The following SPOPL variants were observed in gnomAD, a reference collection of about 807,000 sequenced individuals.
SPOPL encodes the protein speckle-type POZ protein-like.
A neutral mutation model predicts 53.8 loss-of-function variants in SPOPL; 23 were observed. The ratio of observed to expected loss-of-function variants is 0.43; its 90% CI spans 0.31 to 0.61. The LOEUF (loss-of-function observed/expected upper bound fraction) is 0.61. Ranked by LOEUF, SPOPL falls within the 20% of genes least tolerant of loss-of-function variation. The probability of loss-of-function intolerance (pLI) is 0.12; values close to 1 mark genes in which losing one functional copy is unlikely to be tolerated. For missense variants in SPOPL, 442 were observed against 466.9 expected (o/e 0.95, Z 0.49); for synonymous variants, 164 against 149.7 (o/e 1.10, Z -0.70).
chr2:138,535,409 T>C (rs1040378371), intron 1 of SPOPL, among the ~76,000 whole-genome samples: 7 of 152,164 alleles, frequency 4.6e-5, no homozygotes, highest in African/African-American at 1.7e-4. Context: ...GTTTAATTTT[T>C]TGAGGAATCC....
intron 1 of SPOPL, among the ~76,000 whole-genome samples, chr2:138,513,181 GC>G (rs1684364377): frequency 6.6e-6 from 1 of 152,246 alleles, no homozygotes; most frequent in Non-Finnish European, 1.5e-5. Context: ...TCTTTGGGAG[GC>G]CAAGGCAGGA....
intron 5 of SPOPL, among the ~76,000 whole-genome samples, chr2:138,556,191 A>G (rs957519517): frequency 6.6e-6 from 1 of 152,204 alleles, no homozygotes; most frequent in African/African-American, 2.4e-5. Context: ...CTGTGATAAT[A>G]CTGTGTAGAT....
chr2:138,554,389 GC>G, intron 5 of SPOPL: 2 of 1,076,894 alleles, frequency 1.9e-6, no homozygotes, highest in Non-Finnish European at 2.4e-6. Flanking sequence ...CATTCTTCAT[GC>G]CCTCCACTGT....
At position 138,552,656 on chromosome 2, in the gene SPOPL, A is replaced by T; in HGVS notation, c.455A>T (p.Asp152Val). The change falls in exon 5 of 11, where the codon GAT becomes GTT. Residue 152 changes from aspartate (D) to valine (V), a missense_variant. Coordinates refer to ENST00000280098, the MANE Select transcript of SPOPL (RefSeq NM_001001664.3). ...LLDEANGLLP[D>V]DKLTLFCEVS... The stretch of plus-strand genomic sequence containing the variant: ...GATGAAGCTAATGGTCTTTTACCAG[A>T]TGACAAGCTTACATTATTTTGTGAG... 1.2e-6 allele frequency: 2 copies of T among 1,612,618 alleles called. No individual in the cohort carries two copies. The highest frequency in any genetic ancestry group is 1.7e-6 in the Non-Finnish European group (2 of 1,179,166).
intron 1 of SPOPL, among the ~76,000 whole-genome samples, chr2:138,523,301 C>G (rs906813159): frequency 6.6e-6 from 1 of 152,112 alleles, no homozygotes; most frequent in Non-Finnish European, 1.5e-5. Context: ...AAGAACATCA[C>G]GAAAAACACC....
At chr2:138,552,011 AATG>A (rs2104893188) in intron 4 of SPOPL, among the ~76,000 whole-genome samples, 1 of 152,178 alleles carries the variant, frequency 6.6e-6, no homozygotes, top group East Asian at 1.9e-4. Context: ...GAGACTTAGG[AATG>A]ATAAAGGACT....
chr2:138,544,082 G>A (rs921388425), intron 1 of SPOPL, among the ~76,000 whole-genome samples: 11 of 152,164 alleles, frequency 7.2e-5, no homozygotes, highest in African/African-American at 2.4e-4. Flanking sequence ...CTGCCTAATC[G>A]TTCCTCTGGA....
intron 10 of SPOPL, 23 bp downstream of exon 10, chr2:138,565,016 CT>C: frequency 1.2e-6 from 2 of 1,613,330 alleles, no homozygotes; most frequent in Non-Finnish European, 1.7e-6. Flanking sequence ...CAGTTTCTGA[CT>C]CAAAGTTGCT....
At chr2:138,543,161 C>G (rs567268786) in intron 1 of SPOPL, among the ~76,000 whole-genome samples, 1 of 152,156 alleles carries the variant, frequency 6.6e-6, no homozygotes, top group Non-Finnish European at 1.5e-5. Context: ...CTCTGGCTGC[C>G]TTAACATTTT....
At chr2:138,513,987 T>C (rs1347498330) in intron 1 of SPOPL, among the ~76,000 whole-genome samples, 2 of 152,178 alleles carry the variant, frequency 1.3e-5, no homozygotes, top group Admixed American at 1.3e-4. Flanking sequence ...AGTAAACTTT[T>C]GAAGTGTAAC....
chr2:138,509,033 T>C (rs543403934), intron 1 of SPOPL, among the ~76,000 whole-genome samples: 1 of 152,294 alleles, frequency 6.6e-6, no homozygotes, highest in African/African-American at 2.4e-5. Flanking sequence ...AATTGTGTAA[T>C]ACATGAGACT....
In SPOPL at chr2:138,551,043, C is replaced by T; in HGVS notation, c.341C>T (p.Thr114Ile). 6.2e-7 allele frequency: 1 copy of T among 1,612,788 alleles called. No homozygotes were observed. The highest frequency in any genetic ancestry group is 8.5e-7 in the Non-Finnish European group (1 of 1,179,296). The part of the protein sequence containing the change: ...FSLLNAKREE[T>I]KAMESQRAYR... Reference sequence around the variant, plus strand: ...CTTCTGAATGCTAAAAGGGAAGAAACAAAAGCAATGGGTAAGTGATTTGCA... The same window carrying T: ...CTTCTGAATGCTAAAAGGGAAGAAATAAAAGCAATGGGTAAGTGATTTGCA... The change falls in exon 4 of 11, where the codon ACA (threonine) becomes ATA (isoleucine). Residue 114 changes from threonine to isoleucine, a missense_variant. Transcript: ENST00000280098.
chr2:138,564,504 A>G (rs1430707096), intron 8 of SPOPL: 9 of 525,602 alleles, frequency 1.7e-5, no homozygotes, highest in Non-Finnish European at 2.9e-5. Context: ...TGCAAATTGC[A>G]GTTTCCTAAA....
intron 1 of SPOPL, among the ~76,000 whole-genome samples, chr2:138,534,588 T>A (rs955541498): frequency 1.7e-4 from 26 of 151,894 alleles, no homozygotes; most frequent in Non-Finnish European, 3.2e-4. Flanking sequence ...TGTGCAGGTA[T>A]TTTTTTTAAA....
intron 1 of SPOPL, among the ~76,000 whole-genome samples, chr2:138,514,665 G>GTAAAA (rs1684401771): frequency 1.3e-5 from 2 of 152,076 alleles, no homozygotes; most frequent in Non-Finnish European, 2.9e-5. Context: ...AAATATCCTT[G>GTAAAA]TATTCCTGTC....
chr2:138,503,008 G>T (rs1684139532), intron 1 of SPOPL, among the ~76,000 whole-genome samples: 1 of 152,136 alleles, frequency 6.6e-6, no homozygotes, highest in African/African-American at 2.4e-5. Context: ...CTTGGGCCTA[G>T]TTTGACCCAT....
chr2:138,571,042 A>G lies in SPOPL; in HGVS notation c.*1962A>G, dbSNP rs2104911865. 1 of 152,308 alleles carries G rather than the reference A, an allele frequency of 6.6e-6. No homozygotes were observed. The highest frequency in any genetic ancestry group is 2.1e-4 in the South Asian group (1 of 4,828). 9.4% of individuals were successfully genotyped at this position (152,308 alleles called of 1,614,324 possible). ...AGAGTATTATGGGAAGTAGAAATTCACTTCCTTAAATCCATCGTAAGATTG... is the reference window on the plus strand; with the variant it reads ...AGAGTATTATGGGAAGTAGAAATTCGCTTCCTTAAATCCATCGTAAGATTG... On this transcript the variant is annotated 3_prime_UTR_variant, in exon 11 of 11. Coordinates refer to ENST00000280098, the MANE Select transcript of SPOPL (RefSeq NM_001001664.3).
chr2:138,534,429 T>A (rs1464395395), intron 1 of SPOPL, among the ~76,000 whole-genome samples: 1 of 152,164 alleles, frequency 6.6e-6, no homozygotes, highest in African/African-American at 2.4e-5. Context: ...AATGCAGATA[T>A]TATACCATTT....
chr2:138,557,095 G>GC (rs1256299705), intron 5 of SPOPL, among the ~76,000 whole-genome samples: 1 of 152,134 alleles, frequency 6.6e-6, no homozygotes, highest in East Asian at 1.9e-4. Flanking sequence ...GGCGGAGCTT[G>GC]CAGTGAGCAG....
Sources: allele counts gnomAD v4.1 joint callset (sites outside exome capture counted in the v4.1 genomes callset), GRCh38; gene constraint gnomAD v4.1.1; transcripts MANE v1.5; gene names NCBI Gene and HGNC (gene_info 2026-07-23, HGNC 2026-07-21).